CTNND2: variants seen among roughly 807,000 people sequenced by gnomAD.
The protein encoded by CTNND2 is catenin delta-2.
In CTNND2, 22 loss-of-function variants were observed where a neutral mutation model predicts 144.4. The ratio of observed to expected loss-of-function variants is 0.15; its 90% CI spans 0.11 to 0.22. The LOEUF is 0.22. Ranked by LOEUF, CTNND2 falls within the 10% of genes least tolerant of loss-of-function variation. The probability of loss-of-function intolerance (pLI) is 1.00; values close to 1 mark genes in which losing one functional copy is unlikely to be tolerated. For synonymous variants in CTNND2, 751 were observed against 695.6 expected (o/e 1.08, Z -1.25); for missense variants, 1,353 against 1,618.8 (o/e 0.84, Z 2.82).
chr5:11,235,418 G>C (rs552448906), intron 10 of CTNND2, among the ~76,000 whole-genome samples: 1 of 152,172 alleles, frequency 6.6e-6, no homozygotes, highest in Non-Finnish European at 1.5e-5. Flanking sequence ...TGGGACAGGA[G>C]TCACGTAACT....
chr5:11,662,016 C>A (rs192821383), intron 2 of CTNND2, among the ~76,000 whole-genome samples: 1 of 150,542 alleles, frequency 6.6e-6, no homozygotes, highest in African/African-American at 2.5e-5. Context: ...CACATATATA[C>A]ACACACACAT....
chr5:11,111,873 G>C (rs1263404718), intron 13 of CTNND2, among the ~76,000 whole-genome samples: 3 of 150,310 alleles, frequency 2.0e-5, no homozygotes, highest in African/African-American at 7.4e-5. Flanking sequence ...TTGAGACGGA[G>C]TCTCGCTTTG....
At chr5:11,369,140 T>C (rs781623395) in intron 7 of CTNND2, among the ~76,000 whole-genome samples, 1 of 152,228 alleles carries the variant, frequency 6.6e-6, no homozygotes, top group Non-Finnish European at 1.5e-5. Flanking sequence ...GTGAATGTTA[T>C]AGTTTTATCT....
chr5:10,976,992 C>T (rs1736569103), intron 21 of CTNND2, among the ~76,000 whole-genome samples: 2 of 152,232 alleles, frequency 1.3e-5, no homozygotes, highest in South Asian at 4.1e-4. Context: ...CACTCCAGAC[C>T]TACTGAATCA....
intron 9 of CTNND2, among the ~76,000 whole-genome samples, chr5:11,303,821 C>T (rs988516107): frequency 2.0e-5 from 3 of 152,186 alleles, no homozygotes; most frequent in East Asian, 1.9e-4. Flanking sequence ...GCTGTGTCCC[C>T]ACCCAAATCT....
intron 11 of CTNND2, among the ~76,000 whole-genome samples, chr5:11,189,526 T>A (rs911736533): frequency 3.9e-5 from 6 of 152,218 alleles, no homozygotes; most frequent in African/African-American, 1.4e-4. Context: ...AGTGCATACA[T>A]ATTTTCTCTT....
At chr5:11,537,112 C>T (rs1348518947) in intron 3 of CTNND2, among the ~76,000 whole-genome samples, 2 of 151,692 alleles carry the variant, frequency 1.3e-5, no homozygotes, top group South Asian at 2.1e-4. Context: ...TGCTACACTC[C>T]CAATTTTACA....
intron 9 of CTNND2, among the ~76,000 whole-genome samples, chr5:11,334,932 A>C (rs924966975): frequency 6.6e-6 from 1 of 152,244 alleles, no homozygotes; most frequent in Admixed American, 6.5e-5. Flanking sequence ...AAAAGTGAGG[A>C]TACTTCTGTC....
chr5:11,659,722 T>C (rs1264810160), intron 2 of CTNND2, among the ~76,000 whole-genome samples: 1 of 152,150 alleles, frequency 6.6e-6, no homozygotes. Context: ...TAGGGCCTCG[T>C]GTTTTAATGC....
intron 3 of CTNND2, among the ~76,000 whole-genome samples, chr5:11,494,490 T>C (rs1769748375): frequency 6.6e-6 from 1 of 152,132 alleles, no homozygotes. Context: ...AAATTTGAAA[T>C]AAAATAAATA....
intron 6 of CTNND2, among the ~76,000 whole-genome samples, chr5:11,395,771 A>C (rs1367746041): frequency 6.6e-6 from 1 of 152,250 alleles, no homozygotes; most frequent in Non-Finnish European, 1.5e-5. Context: ...TGTTTCTGGC[A>C]CAGTAATTTA....
intron 3 of CTNND2, among the ~76,000 whole-genome samples, chr5:11,438,627 A>C (rs1416879642): frequency 6.6e-6 from 1 of 152,230 alleles, no homozygotes; most frequent in African/African-American, 2.4e-5. Context: ...CATGATTATT[A>C]ATCTTCATGA....
chr5:11,432,481 T>A (rs1019585673), intron 3 of CTNND2, among the ~76,000 whole-genome samples: 6 of 152,182 alleles, frequency 3.9e-5, no homozygotes, highest in African/African-American at 1.4e-4. Flanking sequence ...ATAACTTATT[T>A]AATTCAGTTT....
intron 1 of CTNND2, among the ~76,000 whole-genome samples, chr5:11,753,956 G>T (rs1198976254): frequency 6.6e-6 from 1 of 150,822 alleles, no homozygotes. Context: ...GTGCATAGAG[G>T]TGTGCATAGA....
chr5:11,852,055 C>T (rs1362228248), intron 1 of CTNND2, among the ~76,000 whole-genome samples: 7 of 152,178 alleles, frequency 4.6e-5, no homozygotes, highest in Admixed American at 4.6e-4. Flanking sequence ...CTTAACCACG[C>T]CACCTCTTTA....
chr5:11,041,313 T>C (rs896111366), intron 16 of CTNND2, among the ~76,000 whole-genome samples: 7 of 152,230 alleles, frequency 4.6e-5, no homozygotes, highest in African/African-American at 1.7e-4. Flanking sequence ...ATTCATTATT[T>C]CCATTTGTGT....
At chr5:11,865,948 A>C (rs897425050) in intron 1 of CTNND2, among the ~76,000 whole-genome samples, 1 of 146,796 alleles carries the variant, frequency 6.8e-6, no homozygotes, top group Non-Finnish European at 1.5e-5. Context: ...AGAAAGGAAC[A>C]CAGCCCTAGT....
In CTNND2 at chr5:11,462,669, T is replaced by C. The variant is rs1466023991; in HGVS notation, c.288-50600A>G. Among the ~76,000 whole-genome samples, 8 of 152,220 alleles carry C rather than the reference T, an allele frequency of 5.3e-5. No homozygotes were observed. The South Asian group carries it at 1.2e-3, about 24-fold the overall frequency. On this transcript the variant is annotated intron_variant, in intron 3 of 21. Coordinates refer to ENST00000304623, the MANE Select transcript of CTNND2 (RefSeq NM_001332.4). The stretch of plus-strand genomic sequence containing the variant: ...TAAAAAGTAAATTTAAAAATATAAA[T>C]GGAAAATAAATTCCATTAGTTGGGG...
intron 2 of CTNND2, among the ~76,000 whole-genome samples, chr5:11,594,433 C>G (rs1779408973): frequency 6.6e-6 from 1 of 152,026 alleles, no homozygotes; most frequent in Non-Finnish European, 1.5e-5. Context: ...AACAGGCATG[C>G]ATGTATGAAA....
Sources: gnomAD v4.1 joint callset for allele counts (sites outside exome capture counted in the v4.1 genomes callset) on GRCh38, gnomAD v4.1.1 for gene constraint, MANE v1.5 for transcripts, NCBI Gene and HGNC (gene_info 2026-07-23, HGNC 2026-07-21) for gene names.